Variants in IL31RA observed in about 807,000 individuals in gnomAD.
The protein encoded by IL31RA is interleukin-31 receptor subunit alpha.
A neutral mutation model predicts 83.7 loss-of-function variants in IL31RA; 66 were observed. That is an observed-to-expected ratio of 0.79 (90% CI 0.65 to 0.97). The LOEUF is 0.97. IL31RA is among the 50% of genes least tolerant of loss of function. The pLI, the probability that IL31RA is intolerant of heterozygous loss-of-function variation, is 0.00. For synonymous variants in IL31RA, 325 were observed against 329.0 expected (o/e 0.99, Z 0.13); for missense variants, 798 against 919.4 (o/e 0.87, Z 1.71).
In IL31RA at chr5:55,916,980, C is replaced by T; in HGVS notation, c.2155C>T (p.Leu719Phe). The T allele has an allele frequency of 6.2e-7, 1 of 1,614,092 alleles. No individual in the cohort carries two copies. Among genetic ancestry groups the T allele is most frequent in the East Asian group, 2.2e-5 (1 of 44,872 alleles). ...EGTRPEAKEQ[L>F]LFSGQSLVPD... ...GACCCGCCCAGAAGCCAAAGAGCAG[C>T]TTCTCTTTTCTGGTCAAAGTTTAGT... is the stretch of plus-strand genomic sequence containing the variant. The change falls in exon 15 of 15, where the codon CTT (leucine) becomes TTT (phenylalanine). Residue 719 changes from leucine (L) to phenylalanine (F), a missense_variant. By Grantham distance (22) the Leu-to-Phe change is conservative (BLOSUM62 0). Transcript: ENST00000652347.
At chr5:55,899,835 TCACCCC>T in intron 7 of IL31RA, 75 bp from the exon 8 acceptor site, 1 of 939,052 alleles carries the variant, frequency 1.1e-6, no homozygotes, top group Non-Finnish European at 1.7e-6. Context: ...TTCCCCACCC[TCACCCC>T]CACCGCTTCT....
Position 55,919,837 on chromosome 5 carries a change from G to C in IL31RA, c.*2717G>C, listed in dbSNP as rs1258213494. On this transcript the variant is annotated 3_prime_UTR_variant, in exon 15 of 15. Transcript: ENST00000652347. ...CCTCTCCTGGATCGAGTCACCAACT[G>C]TCCCCGCTCTGGGCACCAGGGACTG... 6.6e-6 allele frequency among the ~76,000 whole-genome samples: 1 copy of C among 152,198 alleles called. No individual in the cohort carries two copies. The highest frequency in any genetic ancestry group is 2.1e-4 in the South Asian group (1 of 4,830).
chr5:55,890,226 G>A (rs776233722), intron 6 of IL31RA, 91 bp downstream of exon 6: 38 of 1,304,606 alleles, frequency 2.9e-5, no homozygotes, highest in Non-Finnish European at 4.0e-5. Flanking sequence ...ACCTGGTTGG[G>A]AATCATGGAA....
upstream of IL31RA, among the ~76,000 whole-genome samples, chr5:55,847,596 T>A (rs1458926688): frequency 6.6e-6 from 1 of 152,124 alleles, no homozygotes; most frequent in Non-Finnish European, 1.5e-5. Context: ...CAAAAAAAGT[T>A]GCAAAGATAA....
intron 6 of IL31RA, 77 bp from the exon 7 acceptor site, chr5:55,896,273 C>T (rs1748326142): frequency 5.1e-6 from 5 of 977,758 alleles, no homozygotes; most frequent in Admixed American, 1.7e-5. Context: ...TCCTTCCCAA[C>T]TGCCCAGCTA....
Position 55,908,323 on chromosome 5 carries a change from C to T in IL31RA, c.1413C>T (p.Ile471=). 1.9e-6 allele frequency: 3 copies of T among 1,614,148 alleles called. No individual in the cohort carries two copies. Among genetic ancestry groups the T allele is most frequent in the Non-Finnish European group, 2.5e-6 (3 of 1,180,044 alleles). The change falls in exon 11 of 15, where the codon ATC becomes ATT. Residue 471 remains isoleucine (I), a synonymous_variant. Coordinates refer to ENST00000652347, the MANE Select transcript of IL31RA (RefSeq NM_139017.7). ...ACATTGGCGTGAAGACGGTCACGATCACATGGAAAGAGATTCCCAAGAGTG... is the reference window on the plus strand; with the variant it reads ...ACATTGGCGTGAAGACGGTCACGATTACATGGAAAGAGATTCCCAAGAGTG... The part of the protein sequence containing the change: ...VENIGVKTVT[I]TWKEIPKSER...
At chr5:55,870,270 TTTTA>T (rs1746433816) in intron 3 of IL31RA, among the ~76,000 whole-genome samples, 1 of 152,190 alleles carries the variant, frequency 6.6e-6, no homozygotes, top group Non-Finnish European at 1.5e-5. Flanking sequence ...TTTTTGTTCG[TTTTA>T]TTTATTTTTC....
chr5:55,848,436 C>T (rs1744985183), upstream of IL31RA, among the ~76,000 whole-genome samples: 1 of 152,108 alleles, frequency 6.6e-6, no homozygotes, highest in Admixed American at 6.5e-5. Flanking sequence ...GTTCCTGTGT[C>T]CCTTTGACAT....
At chr5:55,841,130 ACT>A in the IL31RA span, among the ~76,000 whole-genome samples, 1 of 152,012 alleles carries the variant, frequency 6.6e-6, no homozygotes, top group Admixed American at 6.5e-5. Context: ...ACCATTTGAC[ACT>A]CTGTCTTTAT....
chr5:55,859,046 A>G (rs1479302870), intron 1 of IL31RA, among the ~76,000 whole-genome samples: 1 of 152,212 alleles, frequency 6.6e-6, no homozygotes, highest in Non-Finnish European at 1.5e-5. Context: ...GAGCCTTGAA[A>G]TGAGTCTGGA....
chr5:55,843,707 C>G, the IL31RA span, among the ~76,000 whole-genome samples: 2 of 152,106 alleles, frequency 1.3e-5, no homozygotes, highest in Non-Finnish European at 2.9e-5. Context: ...GCCCCTTTAC[C>G]ATTATATAAT....
chr5:55,896,549 C>T, intron 7 of IL31RA, 120 bp downstream of exon 7: 3 of 463,200 alleles, frequency 6.5e-6, no homozygotes, highest in South Asian at 2.0e-5. Context: ...CCCTTCCCTT[C>T]CCTCCCCTCC....
At chr5:55,876,516 C>T (rs1246034641) in intron 4 of IL31RA, among the ~76,000 whole-genome samples, 2 of 152,178 alleles carry the variant, frequency 1.3e-5, no homozygotes, top group African/African-American at 4.8e-5. Context: ...TTACTTTGGT[C>T]CAGCCTCTGA....
At position 55,917,776 on chromosome 5, in the gene IL31RA, G is replaced by C. The variant is rs1403117139; in HGVS notation, c.*656G>C. On this transcript the variant is annotated 3_prime_UTR_variant, in exon 15 of 15. Coordinates refer to ENST00000652347, the MANE Select transcript of IL31RA (RefSeq NM_139017.7). ...ACTGCATTGACTACTAAAAAATCAA[G>C]GAATGGGGAGGGCCCTGGGGAATGT... Among the ~76,000 whole-genome samples the C allele has an allele frequency of 6.6e-6, 1 of 152,154 alleles. No homozygotes were observed. The highest frequency in any genetic ancestry group is 2.4e-5 in the African/African-American group (1 of 41,420).
At position 55,903,020 on chromosome 5, in the gene IL31RA, C is replaced by T. The variant is rs138604772; in HGVS notation, c.1069+2888C>T. 3.9e-5 allele frequency among the ~76,000 whole-genome samples: 6 copies of T among 152,312 alleles called. No individual in the cohort carries two copies. Among genetic ancestry groups the T allele is most frequent in the African/African-American group, 7.2e-5 (3 of 41,580 alleles). ...GTTATTCATAAAGTGACTTGAATTC[C>T]GGTCACAGATGCTGTGTGACACTGA... On this transcript the variant is annotated intron_variant, in intron 8 of 14. Coordinates refer to ENST00000652347, the MANE Select transcript of IL31RA (RefSeq NM_139017.7). This position sits in a 1 kb window ranked among gnomAD's most constrained non-coding sequence, Gnocchi z 4.7.
chr5:55,846,517 T>C (rs535673859), upstream of IL31RA, among the ~76,000 whole-genome samples: 5 of 152,336 alleles, frequency 3.3e-5, no homozygotes, highest in East Asian at 9.6e-4. Flanking sequence ...TCTATAAAAG[T>C]GAAGGGTGCA....
chr5:55,885,076 C>A (rs923619446), intron 5 of IL31RA, among the ~76,000 whole-genome samples: 13 of 152,158 alleles, frequency 8.5e-5, no homozygotes, highest in African/African-American at 3.1e-4. Flanking sequence ...AGAGGATCAA[C>A]CCCTCCTTTG....
At chr5:55,846,439 A>G (rs1372228117), upstream of IL31RA, among the ~76,000 whole-genome samples, 1 of 152,202 alleles carries the variant, frequency 6.6e-6, no homozygotes, top group African/African-American at 2.4e-5. Context: ...TAAGACCTGG[A>G]TAAATTCTAA....
chr5:55,910,668 A>G lies in IL31RA; in HGVS notation c.1638A>G (p.Ser546=). ...NGTSINFKTL[S]FSVFEIILIT... Reference sequence around the variant, plus strand: ...CCAGCATAAATTTCAAGACATTGTCATTCAGTGAGTATTTCCTTCAAGCCT... The same window carrying G: ...CCAGCATAAATTTCAAGACATTGTCGTTCAGTGAGTATTTCCTTCAAGCCT... Residue 546 remains serine, a synonymous_variant, in exon 12 of 15, where the codon TCA becomes TCG. Transcript: ENST00000652347. 6.2e-7 allele frequency: 1 copy of G among 1,614,174 alleles called. No individual in the cohort carries two copies. The highest frequency in any genetic ancestry group is 8.5e-7 in the Non-Finnish European group (1 of 1,180,004).
Sources: allele counts gnomAD v4.1 joint callset (sites outside exome capture counted in the v4.1 genomes callset), GRCh38; gene constraint gnomAD v4.1.1; non-coding constraint Gnocchi (gnomAD v3.1); transcripts MANE v1.5; gene names NCBI Gene and HGNC (gene_info 2026-07-23, HGNC 2026-07-21).